The following UBR1 variants were observed in gnomAD, a reference collection of about 807,000 sequenced individuals.
UBR1 encodes the protein E3 ubiquitin-protein ligase UBR1.
A neutral mutation model predicts 242.1 loss-of-function variants in UBR1; 102 were observed. That is an observed-to-expected ratio of 0.42 (90% CI 0.36 to 0.50). The LOEUF (loss-of-function observed/expected upper bound fraction) is 0.50. Among genes scored for constraint, UBR1 ranks in the 20% least tolerant of loss-of-function variants. The probability of loss-of-function intolerance (pLI) is 0.01; values close to 1 mark genes in which losing one functional copy is unlikely to be tolerated. For synonymous variants in UBR1, 675 were observed against 684.8 expected (o/e 0.99, Z 0.22); for missense variants, 1,772 against 2,101.8 (o/e 0.84, Z 3.07).
chr15:42,977,349 C>T (rs1267962875), intron 38 of UBR1, among the ~76,000 whole-genome samples: 4 of 152,158 alleles, frequency 2.6e-5, no homozygotes, highest in Non-Finnish European at 5.9e-5. Context: ...CATCCATAAA[C>T]TCCATGCTCC....
At chr15:43,067,846 T>G in intron 6 of UBR1, 52 bp downstream of exon 6, 1 of 1,612,398 alleles carries the variant, frequency 6.2e-7, no homozygotes, top group Middle Eastern at 1.7e-4. Context: ...AACATCTGGC[T>G]GCCAGGAAGC....
In UBR1 at chr15:42,964,107, G is replaced by C. The variant is rs2032067002; in HGVS notation, c.4592-64C>G. 4 of 1,116,868 alleles carry C rather than the reference G, an allele frequency of 3.6e-6. No homozygotes were observed. In the Admixed American group the frequency reaches 5.5e-5, roughly 15 times the overall value. The allele number at this position is 1,116,868 out of a possible 1,614,324, so 69.2% of individuals were successfully genotyped here. On this transcript the variant is annotated intron_variant, in intron 41 of 46. Coordinates refer to ENST00000290650, the MANE Select transcript of UBR1 (RefSeq NM_174916.3). ...TCTTACCTGGTCAATCTGTGCATTA[G>C]AGTTTCTTCACTGTTTATGCTTATT...
In UBR1 at chr15:43,038,171, A is replaced by T. The variant is rs200515587; in HGVS notation, c.1911T>A (p.Phe637Leu). ...AVSRLHEFVS[F>L]EDFQVEVLVE... is the part of the protein sequence containing the mutation. ...ATCAATACTTAGTAGAATCACTTAC[A>T]AAAGACACAAATTCATGCAGTCTTG... Residue 637 changes from phenylalanine to leucine, a missense_variant and splice_region_variant, in exon 16 of 47, where the codon TTT (phenylalanine) becomes TTA (leucine). This residue lies in a region of UBR1 where 734 missense variants were observed against 893.3 expected (regional missense o/e 0.82). Transcript: ENST00000290650. 6 of 1,613,946 alleles carry T rather than the reference A, an allele frequency of 3.7e-6. No individual in the cohort carries two copies. Among genetic ancestry groups the T allele is most frequent in the Non-Finnish European group, 5.1e-6 (6 of 1,179,920 alleles).
intron 14 of UBR1, among the ~76,000 whole-genome samples, 182 bp from the exon 15 acceptor site, chr15:43,043,577 A>G (rs1167837799): frequency 2.6e-5 from 4 of 152,064 alleles, no homozygotes; most frequent in Non-Finnish European, 5.9e-5. Context: ...CAGCCTCCTG[A>G]GTAGCTGGGA....
chr15:43,014,647 C>T (rs1304445432), intron 29 of UBR1, among the ~76,000 whole-genome samples: 13 of 151,644 alleles, frequency 8.6e-5, no homozygotes, highest in South Asian at 2.1e-4. Flanking sequence ...GCCTGGCAGC[C>T]GCCCCTTCTA....
At chr15:42,950,798 C>T (rs1267340791) in intron 45 of UBR1, among the ~76,000 whole-genome samples, 1 of 152,160 alleles carries the variant, frequency 6.6e-6, no homozygotes, top group Non-Finnish European at 1.5e-5. Context: ...GGAAGTATGC[C>T]AGCTTTTCTG....
intron 10 of UBR1, among the ~76,000 whole-genome samples, chr15:43,057,976 C>CTTGG (rs1255864869): frequency 1.7e-4 from 26 of 151,186 alleles, no homozygotes; most frequent in Admixed American, 1.7e-3. Flanking sequence ...GTGGCGCGAT[C>CTTGG]TTGGCTCACT....
chr15:42,960,513 C>A, intron 43 of UBR1, 132 bp downstream of exon 43: 1 of 920,246 alleles, frequency 1.1e-6, no homozygotes, highest in Non-Finnish European at 1.7e-6. Flanking sequence ...CTGGCAAAGA[C>A]CTAACAGAAA....
chr15:43,059,944 G>A, intron 7 of UBR1, 108 bp downstream of exon 7: 1 of 1,544,966 alleles, frequency 6.5e-7, no homozygotes, highest in Non-Finnish European at 8.9e-7. Context: ...CTGCATCTAG[G>A]TGCCCCAAAC....
At position 43,103,596 on chromosome 15, in the gene UBR1, T is replaced by C. The variant is rs189257706; in HGVS notation, c.81+2346A>G. Among the ~76,000 whole-genome samples, 4 of 152,334 alleles carry C rather than the reference T, an allele frequency of 2.6e-5. No homozygotes were observed. In the East Asian group the frequency reaches 7.7e-4, roughly 29 times the overall value. ...ATCAATGTCCACTAATTCATACGTATTATTTTATTTGAATTGCATGTGAGA... is the reference window on the plus strand; with the variant it reads ...ATCAATGTCCACTAATTCATACGTACTATTTTATTTGAATTGCATGTGAGA... On this transcript the variant is annotated intron_variant, in intron 1 of 46. Transcript: ENST00000290650.
chr15:43,049,703 A>G (rs964961262), intron 12 of UBR1, among the ~76,000 whole-genome samples: 2 of 152,248 alleles, frequency 1.3e-5, no homozygotes, highest in Non-Finnish European at 2.9e-5. Flanking sequence ...TACAATCATC[A>G]AAGAAACTTA....
chr15:42,961,428 T>C (rs2032018020), intron 42 of UBR1, among the ~76,000 whole-genome samples: 1 of 149,394 alleles, frequency 6.7e-6, no homozygotes, highest in Non-Finnish European at 1.5e-5. Context: ...TTCCTCTTTT[T>C]TTTTTTTTTT....
At chr15:42,989,486 T>G (rs1048550362) in intron 34 of UBR1, among the ~76,000 whole-genome samples, 2 of 152,190 alleles carry the variant, frequency 1.3e-5, no homozygotes, top group African/African-American at 4.8e-5. Flanking sequence ...TCAGTAGCAA[T>G]GGGATAGATA....
At chr15:43,038,293 C>T (rs1363055519) in intron 15 of UBR1, 61 bp from the exon 16 acceptor site, 9 of 1,526,378 alleles carry the variant, frequency 5.9e-6, no homozygotes, top group African/African-American at 2.7e-5. Context: ...AACTAGTTAA[C>T]TCATCAAGTT....
rs752737853 is a variant in UBR1 at position 43,002,678 on chromosome 15, G to A, written c.3536C>T (p.Ser1179Phe). 1.9e-6 allele frequency: 3 copies of A among 1,614,150 alleles called. No homozygotes were observed. Among genetic ancestry groups the A allele is most frequent in the Middle Eastern group, 1.6e-4 (1 of 6,062 alleles). The change falls in exon 32 of 47, where the codon TCT becomes TTT. Residue 1179 changes from serine (S) to phenylalanine (F), a missense_variant. Coordinates refer to ENST00000290650, the MANE Select transcript of UBR1 (RefSeq NM_174916.3). ...QKYFEAVQLS[S>F]QQRIHVDLFD... ...AAGGTCAACATGAATGCGCTGCTGA[G>A]AGCTCAGCTGTACAGCTTCAAAATA...
At chr15:42,976,594 T>TAAA in intron 39 of UBR1, 123 bp downstream of exon 39, 1 of 723,300 alleles carries the variant, frequency 1.4e-6, no homozygotes, top group Non-Finnish European at 2.2e-6. Flanking sequence ...AAACAGATAA[T>TAAA]CATTCAACAA....
chr15:42,956,749 G>C (rs185106730), intron 44 of UBR1, among the ~76,000 whole-genome samples: 2 of 152,312 alleles, frequency 1.3e-5, no homozygotes, highest in East Asian at 3.9e-4. Flanking sequence ...CCAATGTCAT[G>C]GCAGGTAGCC....
At chr15:43,000,463 TA>T (rs1157022706) in intron 32 of UBR1, among the ~76,000 whole-genome samples, 1 of 152,206 alleles carries the variant, frequency 6.6e-6, no homozygotes, top group African/African-American at 2.4e-5. Context: ...AGCCACTGTG[TA>T]AAAAAGGCTT....
rs536646873 is a variant in UBR1, at chr15:43,030,103, A to T, written c.2255-35T>A. On this transcript the variant is annotated intron_variant, in intron 20 of 46. Coordinates refer to ENST00000290650, the MANE Select transcript of UBR1 (RefSeq NM_174916.3). ...ATAATTAAAAACAAAAAAAAAGTAG[A>T]ATAATTATTTTCTATTTAAATCTCT... The T allele has an allele frequency of 2.5e-6, 4 of 1,599,156 alleles. No individual in the cohort carries two copies. The African/African-American group carries it at 5.4e-5, about 22-fold the overall frequency.
Sources: allele counts gnomAD v4.1 joint callset (sites outside exome capture counted in the v4.1 genomes callset), GRCh38; gene constraint gnomAD v4.1.1; regional missense constraint gnomAD v4.1.1; transcripts MANE v1.5; gene names NCBI Gene and HGNC (gene_info 2026-07-23, HGNC 2026-07-21).